Variants in ARAP2 observed in about 807,000 individuals in gnomAD.
ARAP2 encodes arf-GAP with Rho-GAP domain, ANK repeat and PH domain-containing protein 2.
ARAP2 carries 148 observed loss-of-function variants against 194.5 expected under a neutral mutation model. The ratio of observed to expected loss-of-function variants is 0.76; its 90% CI spans 0.67 to 0.87. ARAP2 has a LOEUF of 0.87. Ranked by LOEUF, ARAP2 falls within the 40% of genes least tolerant of loss-of-function variation. The pLI is 0.00. For synonymous variants in ARAP2, 695 were observed against 683.5 expected, an observed-to-expected ratio of 1.02 and a Z score of -0.26; for missense variants, 2,128 against 1,989.7, an observed-to-expected ratio of 1.07 and a Z score of -1.32.
chr4:36,238,640 G>C (rs1468143699), intron 1 of ARAP2, among the ~76,000 whole-genome samples: 8 of 152,166 alleles, frequency 5.3e-5, no homozygotes, highest in Admixed American at 2.0e-4. Flanking sequence ...ATTTAAGTTT[G>C]ATATGTGTCC....
chr4:36,074,717 C>T (rs1162153998), intron 31 of ARAP2, among the ~76,000 whole-genome samples: 2 of 152,074 alleles, frequency 1.3e-5, no homozygotes, highest in East Asian at 3.9e-4. Context: ...TAGCTAAATG[C>T]CTACTCTTTA....
At chr4:36,216,399 T>C (rs1166987003) in intron 2 of ARAP2, among the ~76,000 whole-genome samples, 1 of 152,152 alleles carries the variant, frequency 6.6e-6, no homozygotes, top group Non-Finnish European at 1.5e-5. Context: ...GTGGAATAAT[T>C]AGAACATTTA....
intron 27 of ARAP2, among the ~76,000 whole-genome samples, chr4:36,107,300 G>A (rs77870228): frequency 0.047 from 7,157 of 151,990 alleles, 223 homozygotes; most frequent in East Asian, 0.12. Flanking sequence ...GCATAAGCAT[G>A]GTAAACAACC....
intron 6 of ARAP2, among the ~76,000 whole-genome samples, chr4:36,206,377 C>A (rs1745541398): frequency 1.3e-5 from 2 of 152,204 alleles, no homozygotes; most frequent in African/African-American, 4.8e-5. Context: ...GTTTCTCTCT[C>A]CTGGTCCTAG....
chr4:36,057,105 C>G (rs957627633), intron 2 of ARAP2, among the ~76,000 whole-genome samples: 2 of 150,918 alleles, frequency 1.3e-5, no homozygotes, highest in African/African-American at 2.4e-5. Context: ...TCCAAAGTAG[C>G]CTTTATTTTG....
At chr4:36,236,547 G>A (rs536190285) in intron 1 of ARAP2, among the ~76,000 whole-genome samples, 1 of 152,212 alleles carries the variant, frequency 6.6e-6, no homozygotes, top group East Asian at 1.9e-4. Context: ...GAGAAAATGG[G>A]CTTAATAGCA....
chr4:36,069,954 T>C (rs1726431995), intron 32 of ARAP2, among the ~76,000 whole-genome samples: 1 of 152,296 alleles, frequency 6.6e-6, no homozygotes, highest in African/African-American at 2.4e-5. Flanking sequence ...CTCTTGCTTC[T>C]GCTCCAGCCA....
downstream of ARAP2, among the ~76,000 whole-genome samples, chr4:36,063,484 G>A (rs1327511071): frequency 1.3e-5 from 2 of 151,402 alleles, no homozygotes; most frequent in African/African-American, 4.9e-5. Context: ...AAAGAGATTT[G>A]CAGAAGCATT....
intron 2 of ARAP2, among the ~76,000 whole-genome samples, chr4:36,054,270 T>C (rs1331651363): frequency 1.3e-5 from 2 of 152,226 alleles, no homozygotes; most frequent in Non-Finnish European, 2.9e-5. Context: ...TCTCTGTGTC[T>C]GGACCAGAGA....
At chr4:36,036,116 C>T (rs1719878102) in intron 5 of ARAP2, among the ~76,000 whole-genome samples, 1 of 152,004 alleles carries the variant, frequency 6.6e-6, no homozygotes, top group African/African-American at 2.4e-5. Context: ...ACTTTTTCTG[C>T]CTTTTATGTT....
intron 31 of ARAP2, among the ~76,000 whole-genome samples, chr4:36,077,077 A>T (rs569173229): frequency 1.3e-4 from 20 of 152,212 alleles, no homozygotes; most frequent in African/African-American, 4.6e-4. Context: ...GCAGCCTGCA[A>T]TCTAGGAGCT....
At position 36,193,594 on chromosome 4, in the gene ARAP2, T is replaced by C. The variant is rs750884720; in HGVS notation, c.1541A>G (p.Tyr514Cys). Residue 514 changes from tyrosine to cysteine, a missense_variant, in exon 7 of 33, where the codon TAC becomes TGC. By Grantham distance (194) the Tyr-to-Cys change is radical. Coordinates refer to ENST00000303965, the MANE Select transcript of ARAP2 (RefSeq NM_015230.4). Reference sequence around the variant, plus strand: ...TGTATTTACCTTCTCATTATTGTAGTAAGAAATGCTAAGGCCATCAAATTT... The same window carrying C: ...TGTATTTACCTTCTCATTATTGTAGCAAGAAATGCTAAGGCCATCAAATTT... ...WVKFDGLSISYYNNEKEMYSK... is the reference protein window; with the variant it reads ...WVKFDGLSISCYNNEKEMYSK... 2.5e-6 allele frequency: 4 copies of C among 1,591,258 alleles called. No individual in the cohort carries two copies. Among genetic ancestry groups the C allele is most frequent in the South Asian group, 2.3e-5 (2 of 85,268 alleles).
intron 3 of ARAP2, among the ~76,000 whole-genome samples, chr4:36,048,587 T>A (rs1036471398): frequency 6.6e-6 from 1 of 152,168 alleles, no homozygotes; most frequent in Non-Finnish European, 1.5e-5. Context: ...ATGAATCATA[T>A]TTGCTTTATC....
rs186972879 is a variant in ARAP2, at chr4:36,131,574, T to C, written c.3427+1652A>G. Among the ~76,000 whole-genome samples, 11 of 151,786 alleles carry C rather than the reference T, an allele frequency of 7.2e-5. No individual in the cohort carries two copies. In the East Asian group the frequency reaches 2.1e-3, roughly 30 times the overall value. The stretch of plus-strand genomic sequence containing the variant: ...TATAAAGTTGTTATAATATATGAGT[T>C]TTAGTTGAAAAAATCGAATGCTGAG... On this transcript the variant is annotated intron_variant, in intron 20 of 32. Coordinates refer to ENST00000303965, the MANE Select transcript of ARAP2 (RefSeq NM_015230.4).
At chr4:36,161,146 AACACACACACACAC>A (rs36207295) in intron 12 of ARAP2, among the ~76,000 whole-genome samples, 9 of 147,996 alleles carry the variant, frequency 6.1e-5, no homozygotes, top group Admixed American at 2.7e-4. Flanking sequence ...CACACACACA[AACACACACACACAC>A]ACACACACAC....
Position 36,188,543 on chromosome 4 carries a change from G to C in ARAP2, c.1558-972C>G, listed in dbSNP as rs150294851. Among the ~76,000 whole-genome samples the C allele has an allele frequency of 6.6e-5, 10 of 152,200 alleles. No homozygotes were observed. The East Asian group carries it at 1.9e-3, about 29-fold the overall frequency. ...GCGTGGGGGGCATTCTAGTCAAAAA[G>C]ACTAAATAATGGAAGTGTAAGGCAG... On this transcript the variant is annotated intron_variant, in intron 7 of 32. Coordinates refer to ENST00000303965, the MANE Select transcript of ARAP2 (RefSeq NM_015230.4).
At chr4:36,163,136 T>C (rs941333823) in intron 11 of ARAP2, among the ~76,000 whole-genome samples, 7 of 151,798 alleles carry the variant, frequency 4.6e-5, no homozygotes, top group Admixed American at 1.3e-4. Context: ...TAAAAATGAG[T>C]GTGGAATTAA....
At chr4:36,169,290 C>T (rs1254872856) in intron 9 of ARAP2, among the ~76,000 whole-genome samples, 1 of 152,164 alleles carries the variant, frequency 6.6e-6, no homozygotes, top group African/African-American at 2.4e-5. Context: ...GGGGCCTGGC[C>T]TGTAAGTCCT....
chr4:36,025,339 G>A (rs552287458), intron 5 of ARAP2, among the ~76,000 whole-genome samples: 52 of 152,228 alleles, frequency 3.4e-4, no homozygotes, highest in Admixed American at 2.6e-3. Flanking sequence ...GCAACTCTTA[G>A]TGGTAATAAT....
Sources: gnomAD v4.1 joint callset for allele counts (sites outside exome capture counted in the v4.1 genomes callset) on GRCh38, gnomAD v4.1.1 for gene constraint, MANE v1.5 for transcripts, NCBI Gene and HGNC (gene_info 2026-07-23, HGNC 2026-07-21) for gene names.